Variants in TIMM22 observed in about 807,000 individuals in gnomAD.
TIMM22 encodes the protein mitochondrial import inner membrane translocase subunit Tim22.
Under a neutral mutation model 18.3 loss-of-function variants are expected in TIMM22, and 12 were observed. The ratio of observed to expected loss-of-function variants is 0.65; its 90% CI spans 0.42 to 1.06. TIMM22 has a LOEUF of 1.06. TIMM22 is among the 50% of genes least tolerant of loss of function. TIMM22 has a pLI of 0.00. For synonymous variants in TIMM22, 107 were observed against 98.5 expected, an observed-to-expected ratio of 1.09 and a Z score of -0.51; for missense variants, 278 against 252.8, an observed-to-expected ratio of 1.10 and a Z score of -0.68.
intron 1 of TIMM22, 69 bp from the exon 2 acceptor site, chr17:998,710 C>T: frequency 2.6e-6 from 4 of 1,526,006 alleles, no homozygotes; most frequent in East Asian, 2.3e-5. Flanking sequence ...TGGTCCCTTC[C>T]AGGATGATCC....
chr17:997,464 A>T (rs1237219149), intron 1 of TIMM22, 84 bp downstream of exon 1: 4 of 1,385,618 alleles, frequency 2.9e-6, no homozygotes, highest in Non-Finnish European at 3.0e-6. Context: ...CGCGCCTGGG[A>T]GGCGAGGGAC....
At position 1,002,994 on chromosome 17, in the gene TIMM22, T is replaced by G. The variant is rs572647751; in HGVS notation, c.*1906T>G. 1.1e-4 allele frequency: 16 copies of G among 152,276 alleles called. No individual in the cohort carries two copies. The highest frequency in any genetic ancestry group is 3.6e-4 in the African/African-American group (15 of 41,550). 9.4% of individuals were successfully genotyped at this position (152,276 alleles called of 1,614,324 possible). ...AGCAATTTTCAGAGACATCTGTTCCTGATCTTCAGAATAAACTCAGTGTCC... is the reference window on the plus strand; with the variant it reads ...AGCAATTTTCAGAGACATCTGTTCCGGATCTTCAGAATAAACTCAGTGTCC... On this transcript the variant is annotated 3_prime_UTR_variant, in exon 4 of 4. Transcript: ENST00000327158.
At chr17:997,426 G>T in intron 1 of TIMM22, 46 bp downstream of exon 1, 1 of 1,575,926 alleles carries the variant, frequency 6.3e-7, no homozygotes, top group Admixed American at 1.8e-5. Flanking sequence ...GGCCTGGACG[G>T]CAGTGGGGAT....
intron 1 of TIMM22, among the ~76,000 whole-genome samples, chr17:997,817 C>G (rs1191814719): frequency 6.6e-6 from 1 of 150,846 alleles, no homozygotes; most frequent in Non-Finnish European, 1.5e-5. Context: ...GTCTCAAAAA[C>G]AACAACAAAA....
chr17:998,712 G>C (rs751128348), intron 1 of TIMM22, 67 bp from the exon 2 acceptor site: 17 of 1,536,706 alleles, frequency 1.1e-5, no homozygotes, highest in Non-Finnish European at 1.5e-5. Flanking sequence ...GTCCCTTCCA[G>C]GATGATCCCA....
chr17:997,857 G>T (rs980180760), intron 1 of TIMM22, among the ~76,000 whole-genome samples: 1 of 152,206 alleles, frequency 6.6e-6, no homozygotes, highest in East Asian at 1.9e-4. Flanking sequence ...TCATTCATCC[G>T]TTCATTCCCT....
rs1276278477 is a variant in TIMM22, at chr17:1,003,447, C to G, written c.*2359C>G. ...CCTGGAAACTCACATCTGGATGCAG[C>G]TGGAAGAGTTAAATATTTACATTGG... On this transcript the variant is annotated 3_prime_UTR_variant, in exon 4 of 4. Transcript: ENST00000327158. 6.6e-6 allele frequency: 1 copy of G among 152,582 alleles called. No individual in the cohort carries two copies. The highest frequency in any genetic ancestry group is 1.9e-4 in the East Asian group (1 of 5,192). The allele number at this position is 152,582 out of a possible 1,614,324, so 9.5% of individuals were successfully genotyped here.
At chr17:999,995 G>C (rs1001915590) in intron 3 of TIMM22, among the ~76,000 whole-genome samples, 1 of 152,112 alleles carries the variant, frequency 6.6e-6, no homozygotes, top group South Asian at 2.1e-4. Flanking sequence ...CACCTCCTGG[G>C]TTCAAGCGAT....
intron 1 of TIMM22, among the ~76,000 whole-genome samples, chr17:998,139 CTTCT>C (rs1211330781): frequency 6.6e-6 from 1 of 152,212 alleles, no homozygotes; most frequent in Non-Finnish European, 1.5e-5. Context: ...TGCACTTGTC[CTTCT>C]GTTTTTCCCT....
At chr17:1,000,453 G>C (rs558285845) in intron 3 of TIMM22, among the ~76,000 whole-genome samples, 1 of 152,164 alleles carries the variant, frequency 6.6e-6, no homozygotes, top group East Asian at 1.9e-4. Context: ...TTATCACTGG[G>C]CCACTTTCCA....
In TIMM22 at chr17:1,003,653, A is replaced by G. The variant is rs891750011; in HGVS notation, c.*2565A>G. 3.3e-5 allele frequency: 5 copies of G among 152,500 alleles called. No homozygotes were observed. The highest frequency in any genetic ancestry group is 1.3e-4 in the Admixed American group (2 of 15,288). The allele number at this position is 152,500 out of a possible 1,614,324, so 9.4% of individuals were successfully genotyped here. On this transcript the variant is annotated 3_prime_UTR_variant, in exon 4 of 4. Transcript: ENST00000327158. ...AAAAATATATCCTTACCAACTTATTAAAGTCAGATATTCATGAAGGGTCCC... is the reference window on the plus strand; with the variant it reads ...AAAAATATATCCTTACCAACTTATTGAAGTCAGATATTCATGAAGGGTCCC...
intron 1 of TIMM22, among the ~76,000 whole-genome samples, chr17:997,879 T>C (rs79937350): frequency 0.048 from 7,262 of 152,290 alleles, 265 homozygotes; most frequent in East Asian, 0.21. Context: ...AAATTCATTC[T>C]CTTAAATAAT....
Position 1,001,232 on chromosome 17 carries a change from G to T in TIMM22, c.*144G>T. ...ATGTCGTTGGTATTCTGAGGGAGCTGCCTGGCTTCTCTGCCTCCAGCCTTT... is the reference window on the plus strand; with the variant it reads ...ATGTCGTTGGTATTCTGAGGGAGCTTCCTGGCTTCTCTGCCTCCAGCCTTT... On this transcript the variant is annotated 3_prime_UTR_variant, in exon 4 of 4. Coordinates refer to ENST00000327158, the MANE Select transcript of TIMM22 (RefSeq NM_013337.4). 1.1e-6 allele frequency: 1 copy of T among 883,922 alleles called. No homozygotes were observed. The allele number at this position is 883,922 out of a possible 1,614,324, so 54.8% of individuals were successfully genotyped here.
chr17:999,900 A>G (rs111509313), intron 3 of TIMM22, among the ~76,000 whole-genome samples: 1 of 138,812 alleles, frequency 7.2e-6, no homozygotes, highest in African/African-American at 2.7e-5. Context: ...CCGTTGTAAC[A>G]ACTTTTTTTT....
rs1188908669 is a variant in TIMM22 at position 1,002,191 on chromosome 17, ACTGGTGCTGCTTTACC to A, written c.*1112_*1127del. 2.0e-5 allele frequency: 3 copies of A among 149,964 alleles called. 1 individual carries two copies. Among genetic ancestry groups the A allele is most frequent in the Admixed American group, 1.3e-4 (2 of 15,040 alleles). 9.3% of individuals were successfully genotyped at this position (149,964 alleles called of 1,614,324 possible). On this transcript the variant is annotated 3_prime_UTR_variant, in exon 4 of 4. Transcript: ENST00000327158. ...AATCCGTCTACAGTTGGGCTTCAGC[ACTGGTGCTGCTTTACC>A]CTGGTGCTCTGTGGGGGGATGACAC...
chr17:1,002,727 T>G lies in TIMM22; in HGVS notation c.*1639T>G, dbSNP rs554153925. On this transcript the variant is annotated 3_prime_UTR_variant, in exon 4 of 4. Transcript: ENST00000327158. ...AAGCACTCTGAAGCAAGGGCAGACA[T>G]TCCCACCTGGTACCTGTCAAAGTCC... 4.6e-5 allele frequency: 7 copies of G among 152,278 alleles called. No individual in the cohort carries two copies. The East Asian group carries it at 1.4e-3, about 29-fold the overall frequency. 9.4% of individuals were successfully genotyped at this position (152,278 alleles called of 1,614,324 possible).
chr17:999,648 T>C, intron 3 of TIMM22, 64 bp downstream of exon 3: 1 of 1,471,764 alleles, frequency 6.8e-7, no homozygotes, highest in South Asian at 1.2e-5. Context: ...AGGTTGTCAT[T>C]TCCAAACACA....
chr17:997,156 C>G lies in TIMM22; in HGVS notation c.14C>G (p.Ala5Gly). ...GCAGCGACTGTCATGGCGGCGGCCG[C>G]CCCCAATGCCGGAGGCTCGGCCCCT... MAAAAPNAGGSAPET... is the reference protein window; with the variant it reads MAAAGPNAGGSAPET... Residue 5 changes from alanine to glycine, a missense_variant, in exon 1 of 4, where the codon GCC becomes GGC. Transcript: ENST00000327158. The G allele has an allele frequency of 6.2e-7, 1 of 1,608,914 alleles. No homozygotes were observed. The highest frequency in any genetic ancestry group is 1.1e-5 in the South Asian group (1 of 90,906).
rs1304233906 is a variant in TIMM22 at position 1,002,113 on chromosome 17, G to GTAT, written c.*1027_*1029dup. On this transcript the variant is annotated 3_prime_UTR_variant, in exon 4 of 4. Transcript: ENST00000327158. ...GTCGTGTTTTCGACTTGACCTTGTG[G>GTAT]TATTTTTCTTGGCCTAGTTGTGTGC... 1 of 151,206 alleles carries GTAT rather than the reference G, an allele frequency of 6.6e-6. No homozygotes were observed. The highest frequency in any genetic ancestry group is 2.4e-5 in the African/African-American group (1 of 40,998). The allele number at this position is 151,206 out of a possible 1,614,324, so 9.4% of individuals were successfully genotyped here. A position where few individuals can be genotyped will look rare whatever the true frequency, so the allele number is the denominator to read the frequency against.
Sources: gnomAD v4.1 joint callset for allele counts (sites outside exome capture counted in the v4.1 genomes callset) on GRCh38, gnomAD v4.1.1 for gene constraint, MANE v1.5 for transcripts, NCBI Gene and HGNC (gene_info 2026-07-23, HGNC 2026-07-21) for gene names.